The following RABGEF1 variants were observed in gnomAD, a reference collection of about 807,000 sequenced individuals.
The protein encoded by RABGEF1 is RAB guanine nucleotide exchange factor 1.
A neutral mutation model predicts 57.3 loss-of-function variants in RABGEF1; 26 were observed. That is an observed-to-expected ratio of 0.45 (90% CI 0.33 to 0.63). RABGEF1 has a LOEUF of 0.63. RABGEF1 is among the 20% of genes least tolerant of loss of function. RABGEF1 has a pLI of 0.02. For synonymous variants in RABGEF1, 185 were observed against 210.7 expected, an observed-to-expected ratio of 0.88 and a Z score of 1.06; for missense variants, 464 against 607.6, an observed-to-expected ratio of 0.76 and a Z score of 2.48.
chr7:66,727,785 G>C (rs1320710193), intron 2 of RABGEF1, among the ~76,000 whole-genome samples: 1 of 152,218 alleles, frequency 6.6e-6, no homozygotes, highest in Non-Finnish European at 1.5e-5. Context: ...TCCAGGCATC[G>C]ATTATGGAGG....
intron 1 of RABGEF1, among the ~76,000 whole-genome samples, chr7:66,750,635 T>G (rs941744321): frequency 6.6e-6 from 1 of 152,234 alleles, no homozygotes; most frequent in African/African-American, 2.4e-5. Flanking sequence ...CATTTAAATA[T>G]AATATACACA....
the RABGEF1 span, among the ~76,000 whole-genome samples, chr7:66,665,896 T>C: frequency 1.1e-4 from 17 of 152,100 alleles, no homozygotes; most frequent in Admixed American, 9.2e-4. Context: ...TGATGAGCAC[T>C]AGTAGAAGAG....
intron 1 of RABGEF1, among the ~76,000 whole-genome samples, chr7:66,765,477 G>GA (rs1483434694): frequency 6.6e-6 from 1 of 151,922 alleles, no homozygotes; most frequent in Non-Finnish European, 1.5e-5. Flanking sequence ...ACCAGCTTAA[G>GA]AAAAAACGAC....
intron 1 of RABGEF1, among the ~76,000 whole-genome samples, chr7:66,766,323 A>G (rs1805697906): frequency 6.6e-6 from 1 of 151,658 alleles, no homozygotes; most frequent in South Asian, 2.1e-4. Flanking sequence ...AAAAAAAGGA[A>G]GCTTAGTGCT....
At chr7:66,742,308 A>T (rs1437455830) in intron 1 of RABGEF1, among the ~76,000 whole-genome samples, 1 of 152,204 alleles carries the variant, frequency 6.6e-6, no homozygotes, top group Non-Finnish European at 1.5e-5. Flanking sequence ...AATGTTCAGG[A>T]TTTGAATTTT....
At chr7:66,748,525 A>G (rs1235750881) in intron 1 of RABGEF1, among the ~76,000 whole-genome samples, 1 of 152,232 alleles carries the variant, frequency 6.6e-6, no homozygotes, top group African/African-American at 2.4e-5. Flanking sequence ...ACGATGGAAC[A>G]GTCTGACAAG....
chr7:66,797,426 G>T lies in RABGEF1; in HGVS notation c.648G>T (p.Met216Ile). ...KIMDQIEKYIMTRLYKYVFCP... is the reference protein window; with the variant it reads ...KIMDQIEKYIITRLYKYVFCP... ...TGGATCAGATTGAAAAGTACATCATGACTCGTCTCTATAAATATGTATTCT... is the reference window on the plus strand; with the variant it reads ...TGGATCAGATTGAAAAGTACATCATTACTCGTCTCTATAAATATGTATTCT... The change falls in exon 6 of 9, where the codon ATG becomes ATT. Residue 216 changes from methionine to isoleucine, a missense_variant. Coordinates refer to ENST00000284957, the MANE Select transcript of RABGEF1 (RefSeq NM_014504.3). 3 of 1,611,522 alleles carry T rather than the reference G, an allele frequency of 1.9e-6. No homozygotes were observed. Among genetic ancestry groups the T allele is most frequent in the South Asian group, 2.2e-5 (2 of 90,842 alleles).
the RABGEF1 span, among the ~76,000 whole-genome samples, chr7:66,663,719 T>C: frequency 3.1e-4 from 47 of 151,860 alleles, no homozygotes; most frequent in Non-Finnish European, 2.8e-4. Context: ...TGTGCACATA[T>C]ACCCTAAAAC....
chr7:66,663,045 C>G, the RABGEF1 span, among the ~76,000 whole-genome samples: 1 of 152,334 alleles, frequency 6.6e-6, no homozygotes, highest in Admixed American at 6.5e-5. Context: ...AACACCTGGC[C>G]CGCCCAGGGC....
intron 1 of RABGEF1, among the ~76,000 whole-genome samples, chr7:66,756,965 G>C (rs561085708): frequency 2.4e-4 from 36 of 152,118 alleles, no homozygotes; most frequent in Non-Finnish European, 4.0e-4. Flanking sequence ...TGTGTTCACA[G>C]TCTTCTAACT....
At chr7:66,697,708 C>T (rs6965762) in intron 1 of RABGEF1, among the ~76,000 whole-genome samples, 27 of 152,212 alleles carry the variant, frequency 1.8e-4, no homozygotes, top group South Asian at 4.2e-4. Context: ...CTGTGTTCTC[C>T]GGCCTCAGCG....
At chr7:66,671,225 A>G in the RABGEF1 span, among the ~76,000 whole-genome samples, 1 of 152,104 alleles carries the variant, frequency 6.6e-6, no homozygotes, top group Non-Finnish European at 1.5e-5. Flanking sequence ...GGTGGAATGT[A>G]GTGGCTGTTC....
At chr7:66,707,032 G>C (rs1023747382) in intron 1 of RABGEF1, among the ~76,000 whole-genome samples, 2 of 151,748 alleles carry the variant, frequency 1.3e-5, no homozygotes, top group African/African-American at 4.8e-5. Flanking sequence ...TGATCCACCC[G>C]CCTCGGCCTC....
At chr7:66,654,915 G>A in the RABGEF1 span, among the ~76,000 whole-genome samples, 1 of 152,250 alleles carries the variant, frequency 6.6e-6, no homozygotes, top group Admixed American at 6.5e-5. Flanking sequence ...AGCCCTTGAA[G>A]GCCTGACGCG....
chr7:66,655,356 G>T, the RABGEF1 span, among the ~76,000 whole-genome samples: 1 of 151,664 alleles, frequency 6.6e-6, no homozygotes, highest in Non-Finnish European at 1.5e-5. Flanking sequence ...AGCTGGCGGT[G>T]TCTCAGCGCG....
chr7:66,795,404 G>A, intron 4 of RABGEF1, 107 bp from the exon 5 acceptor site: 1 of 859,442 alleles, frequency 1.2e-6, no homozygotes, highest in Non-Finnish European at 2.0e-6. Context: ...AGTACTTTTA[G>A]GCTTACTACC....
chr7:66,693,911 G>A (rs549961055), intron 1 of RABGEF1, among the ~76,000 whole-genome samples: 7 of 151,820 alleles, frequency 4.6e-5, no homozygotes, highest in Non-Finnish European at 1.0e-4. Flanking sequence ...GGGCTCAAGC[G>A]ATTCTCCTGC....
intron 1 of RABGEF1, among the ~76,000 whole-genome samples, chr7:66,768,249 A>G (rs1257204944): frequency 6.6e-6 from 1 of 152,220 alleles, no homozygotes. Flanking sequence ...TTTCTCTTGT[A>G]AGGATGTTCA....
At chr7:66,698,851 T>G (rs1304710533) in intron 1 of RABGEF1, among the ~76,000 whole-genome samples, 7 of 152,100 alleles carry the variant, frequency 4.6e-5, no homozygotes, top group African/African-American at 1.7e-4. Flanking sequence ...CTTTCTAACC[T>G]CGGTTTTCCT....
Sources: allele counts gnomAD v4.1 joint callset (sites outside exome capture counted in the v4.1 genomes callset), GRCh38; gene constraint gnomAD v4.1.1; transcripts MANE v1.5; gene names NCBI Gene and HGNC (gene_info 2026-07-23, HGNC 2026-07-21).